Variants in GRAMD1A observed in about 807,000 individuals in gnomAD.
The protein encoded by GRAMD1A is protein Aster-A.
GRAMD1A carries 50 observed loss-of-function variants against 92.0 expected under a neutral mutation model. That is an observed-to-expected ratio of 0.54 (90% CI 0.43 to 0.69). The LOEUF is 0.69. Among genes scored for constraint, GRAMD1A ranks in the 30% least tolerant of loss-of-function variants. The pLI, the probability that GRAMD1A is intolerant of heterozygous loss-of-function variation, is 0.00. For missense variants in GRAMD1A, 819 were observed against 978.9 expected (o/e 0.84, Z 2.18); for synonymous variants, 405 against 403.6 (o/e 1.00, Z -0.04).
intron 19 of GRAMD1A, among the ~76,000 whole-genome samples, chr19:35,025,546 T>TA (rs1389443566): frequency 6.6e-6 from 1 of 152,164 alleles, no homozygotes; most frequent in African/African-American, 2.4e-5. Flanking sequence ...GCCCGGCCGT[T>TA]ATCCCGGTTT....
chr19:35,003,404 C>T (rs1600275379), intron 1 of GRAMD1A, among the ~76,000 whole-genome samples: 2 of 152,142 alleles, frequency 1.3e-5, no homozygotes, highest in Non-Finnish European at 1.5e-5. Flanking sequence ...TCTCCTCGCC[C>T]CTATAACAGT....
At position 35,010,556 on chromosome 19, in the gene GRAMD1A, C is replaced by T. The variant is rs2015160835; in HGVS notation, c.525+177C>T. 27 of 607,074 alleles carry T rather than the reference C, an allele frequency of 4.4e-5. No homozygotes were observed. The South Asian group carries it at 5.0e-4, about 11-fold the overall frequency. 37.6% of individuals were successfully genotyped at this position (607,074 alleles called of 1,614,324 possible). On this transcript the variant is annotated intron_variant, in intron 6 of 19. Coordinates refer to ENST00000317991, the MANE Select transcript of GRAMD1A (RefSeq NM_020895.5). ...GACCTGATCCCCGCACCAGCCTCTC[C>T]TCTCTTTCCCTGCAACCTGTTACCT...
Position 35,023,220 on chromosome 19 carries a change from T to C in GRAMD1A, c.1854-16T>C, listed in dbSNP as rs773019676. ...TCTAGACCCCAGGAATCCTGACCTC[T>C]GACCCCTGTCCCCAGCCTTATCATC... On this transcript the variant is annotated splice_polypyrimidine_tract_variant and intron_variant, in intron 17 of 19. Transcript: ENST00000317991. The C allele has an allele frequency of 4.4e-6, 7 of 1,596,622 alleles. No individual in the cohort carries two copies. The highest frequency in any genetic ancestry group is 6.0e-6 in the Non-Finnish European group (7 of 1,164,064).
intron 3 of GRAMD1A, 172 bp downstream of exon 3, chr19:35,009,615 C>A: frequency 1.4e-6 from 1 of 697,994 alleles, no homozygotes; most frequent in Non-Finnish European, 2.5e-6. Context: ...AGTTACTTAA[C>A]CTCTCTGGGC....
At chr19:35,003,496 G>T (rs1397332102) in intron 1 of GRAMD1A, among the ~76,000 whole-genome samples, 1 of 152,124 alleles carries the variant, frequency 6.6e-6, no homozygotes, top group African/African-American at 2.4e-5. Context: ...CTTCCTCTTT[G>T]CCCAGCCCTG....
At position 35,019,258 on chromosome 19, in the gene GRAMD1A, C is replaced by T. The variant is rs775840967; in HGVS notation, c.1281C>T (p.Ile427=). ...CHQRRVLTYT[I]PISNPLGPKS... is the part of the protein sequence containing the mutation. ...AGCGCCGGGTGCTGACGTACACCAT[C>T]CCCATCAGCAACCCACTGGGCCCCA... Residue 427 remains isoleucine, a synonymous_variant, in exon 12 of 20, where the codon ATC becomes ATT. Coordinates refer to ENST00000317991, the MANE Select transcript of GRAMD1A (RefSeq NM_020895.5). 5 of 1,613,642 alleles carry T rather than the reference C, an allele frequency of 3.1e-6. No homozygotes were observed. The highest frequency in any genetic ancestry group is 4.2e-6 in the Non-Finnish European group (5 of 1,179,688).
intron 10 of GRAMD1A, chr19:35,014,597 G>A (rs1219623683): frequency 8.4e-6 from 5 of 594,126 alleles, no homozygotes; most frequent in African/African-American, 1.9e-5. Flanking sequence ...GCAGCTTGCC[G>A]CGGTTCACAT....
Position 35,021,933 on chromosome 19 carries a change from CA to C in GRAMD1A, c.1754-16del, listed in dbSNP as rs2016091229. 1 of 1,613,282 alleles carries C rather than the reference CA, an allele frequency of 6.2e-7. No individual in the cohort carries two copies. The highest frequency in any genetic ancestry group is 1.1e-5 in the South Asian group (1 of 90,958). ...GGTCCTGGACTGGGCCATCTGACTC[CA>C]AGCTGCTCTCCTGCAGGCTCCCTCA... On this transcript the variant is annotated splice_polypyrimidine_tract_variant and intron_variant, in intron 15 of 19. Transcript: ENST00000317991. The surrounding 1 kb of genome is among the most constrained non-coding windows in gnomAD (Gnocchi z 5.3).
upstream of GRAMD1A, among the ~76,000 whole-genome samples, chr19:34,995,571 G>T (rs12610307): frequency 0.58 from 54,692 of 93,762 alleles, 16,309 homozygotes; most frequent in African/African-American, 0.84. Context: ...CAGATCACGG[G>T]TTTTTTTTTT....
In GRAMD1A at chr19:35,019,306, ACAGGTGGGC is replaced by A; in HGVS notation, c.1332+6_1332+14del. 1 of 1,612,698 alleles carries A rather than the reference ACAGGTGGGC, an allele frequency of 6.2e-7. No individual in the cohort carries two copies. Among genetic ancestry groups the A allele is most frequent in the African/African-American group, 1.3e-5 (1 of 75,032 alleles). On this transcript the variant is annotated splice_donor_variant and splice_donor_5th_base_variant and coding_sequence_variant and intron_variant, in exon 12 of 20. Transcript: ENST00000317991. LOFTEE classifies it high-confidence loss of function. ...CCAAGAGCGCCTCCGTGGTGGAGACACAGGTGGGCCAGGTGGGGCAGCCGAGTGGGTGGG... is the reference window on the plus strand; with the variant it reads ...CCAAGAGCGCCTCCGTGGTGGAGACACAGGTGGGGCAGCCGAGTGGGTGGG...
chr19:35,019,532 C>T lies in GRAMD1A; in HGVS notation c.1474C>T (p.Arg492Ter), dbSNP rs757318037. The change falls in exon 13 of 20, where the codon CGA (arginine) becomes TGA (stop). Residue 492 changes from arginine to a stop codon, truncating the protein, a stop_gained and splice_region_variant. Coordinates refer to ENST00000317991, the MANE Select transcript of GRAMD1A (RefSeq NM_020895.5). LOFTEE classifies it high-confidence loss of function. ...TCTGGCCCGGAACAAGGCGCGGCTCCGGTGAGTGGTGGCTGGGCCCCTCCA... is the reference window on the plus strand; with the variant it reads ...TCTGGCCCGGAACAAGGCGCGGCTCTGGTGAGTGGTGGCTGGGCCCCTCCA... ...LGLARNKARL[R>*]VSSEIRYRKQ... The T allele has an allele frequency of 5.0e-6, 8 of 1,613,726 alleles. No homozygotes were observed. Among genetic ancestry groups the T allele is most frequent in the East Asian group, 2.2e-5 (1 of 44,888 alleles).
In GRAMD1A at chr19:35,013,692, G is replaced by T. The variant is rs1472595867; in HGVS notation, c.870+1G>T. ...AGCCAGCAGCGACGCAGACCATGGG[G>T]TGAGCGGTGGGTTGGAAGAGGGGTG... is the stretch of plus-strand genomic sequence containing the variant. On this transcript the variant is annotated splice_donor_variant, in intron 9 of 19. Transcript: ENST00000317991. LOFTEE classifies it high-confidence loss of function. This position sits in a 1 kb window ranked among gnomAD's most constrained non-coding sequence, Gnocchi z 4.9. 1 of 1,604,852 alleles carries T rather than the reference G, an allele frequency of 6.2e-7. No homozygotes were observed. Among genetic ancestry groups the T allele is most frequent in the Non-Finnish European group, 8.5e-7 (1 of 1,174,532 alleles).
upstream of GRAMD1A, among the ~76,000 whole-genome samples, chr19:34,996,506 C>G (rs746904281): frequency 6.6e-6 from 1 of 152,162 alleles, no homozygotes; most frequent in Non-Finnish European, 1.5e-5. Context: ...TGAGTTCTGC[C>G]TAGTAAGAGT....
Position 35,021,838 on chromosome 19 carries a change from G to A in GRAMD1A, c.1727G>A (p.Cys576Tyr). 6.2e-7 allele frequency: 1 copy of A among 1,604,654 alleles called. No individual in the cohort carries two copies. Among genetic ancestry groups the A allele is most frequent in the South Asian group, 1.1e-5 (1 of 90,064 alleles). ...DGPQHPDPDP[C>Y]ARAGIHTSGS... ...CCCCAGCACCCAGATCCTGACCCCT[G>A]TGCCCGGGCCGGCATTCACACCTCG... The change falls in exon 15 of 20, where the codon TGT (cysteine) becomes TAT (tyrosine). Residue 576 changes from cysteine (C) to tyrosine (Y), a missense_variant. Around this residue, in one of 3 missense-constraint regions of GRAMD1A, gnomAD observed 577 missense variants for 674.6 expected, o/e 0.86. Transcript: ENST00000317991. The surrounding 1 kb of genome is among the most constrained non-coding windows in gnomAD (Gnocchi z 5.3).
At chr19:35,017,578 G>T (rs1212079453) in intron 11 of GRAMD1A, among the ~76,000 whole-genome samples, 3 of 152,094 alleles carry the variant, frequency 2.0e-5, no homozygotes, top group Non-Finnish European at 4.4e-5. Context: ...AGCTGTGGCT[G>T]CCCCTCTCCA....
At position 35,013,175 on chromosome 19, in the gene GRAMD1A, G is replaced by T; in HGVS notation, c.607-81G>T. On this transcript the variant is annotated intron_variant, in intron 7 of 19. Transcript: ENST00000317991. The surrounding 1 kb of genome is among the most constrained non-coding windows in gnomAD (Gnocchi z 4.9). ...TGTGGAAGCCAGGGGAACTGCGGAG[G>T]CCGAGGGCTGGTGGGGAATCTGGCG... is the stretch of plus-strand genomic sequence containing the variant. 1 of 718,952 alleles carries T rather than the reference G, an allele frequency of 1.4e-6. No homozygotes were observed. The highest frequency in any genetic ancestry group is 2.4e-6 in the Non-Finnish European group (1 of 419,126). The allele number at this position is 718,952 out of a possible 1,614,324, so 44.5% of individuals were successfully genotyped here.
chr19:35,023,211 C>T (rs2016198152), intron 17 of GRAMD1A, 25 bp from the exon 18 acceptor site: 1 of 1,560,910 alleles, frequency 6.4e-7, no homozygotes, highest in Admixed American at 1.7e-5. Flanking sequence ...CCCCAGGAAT[C>T]CTGACCTCTG....
intron 3 of GRAMD1A, 26 bp from the exon 4 acceptor site, chr19:35,009,862 G>A: frequency 7.0e-7 from 1 of 1,431,804 alleles, no homozygotes. Flanking sequence ...CCCCCATCCA[G>A]GTTCTCACCT....
upstream of GRAMD1A, among the ~76,000 whole-genome samples, chr19:34,995,576 T>TTTTG (rs56051505): frequency 0.049 from 5,146 of 104,636 alleles, 280 homozygotes; most frequent in African/African-American, 0.062. Flanking sequence ...CACGGGTTTT[T>TTTTG]TTTTTTTTTT....
Sources: allele counts gnomAD v4.1 joint callset (sites outside exome capture counted in the v4.1 genomes callset), GRCh38; gene constraint gnomAD v4.1.1; regional missense constraint gnomAD v4.1.1; non-coding constraint Gnocchi (gnomAD v3.1); transcripts MANE v1.5; gene names NCBI Gene and HGNC (gene_info 2026-07-23, HGNC 2026-07-21).